CNBD1: variants seen among roughly 807,000 people sequenced by gnomAD.
The protein encoded by CNBD1 is cyclic nucleotide-binding domain-containing protein 1.
In CNBD1, 71 loss-of-function variants were observed where a neutral mutation model predicts 54.4. The observed-to-expected ratio is 1.30, with a 90% confidence interval of 1.08 to 1.59. The LOEUF (loss-of-function observed/expected upper bound fraction) is 1.59, where lower values mean the gene tolerates loss of function less well. CNBD1 is among the 40% of genes most tolerant of loss of function. CNBD1 has a pLI of 0.00. For missense variants in CNBD1, 659 were observed against 518.0 expected, an observed-to-expected ratio of 1.27 and a Z score of -2.64; for synonymous variants, 182 against 170.7, an observed-to-expected ratio of 1.07 and a Z score of -0.51.
At chr8:87,398,752 T>C (rs1811450673) in intron 2 of CNBD1, among the ~76,000 whole-genome samples, 9 of 152,004 alleles carry the variant, frequency 5.9e-5, no homozygotes, top group Admixed American at 5.9e-4. Context: ...GCTCAGTACA[T>C]TAGGAAGTAA....
At chr8:87,225,049 G>A (rs1311520758) in intron 5 of CNBD1, among the ~76,000 whole-genome samples, 21 of 151,750 alleles carry the variant, frequency 1.4e-4, no homozygotes, top group African/African-American at 5.1e-4. Context: ...CTGTTTGTCT[G>A]TTGTTGGTGT....
chr8:87,312,049 G>T (rs146324342), intron 8 of CNBD1, among the ~76,000 whole-genome samples: 1 of 151,888 alleles, frequency 6.6e-6, no homozygotes. Flanking sequence ...ACAGCATCAC[G>T]CGATATACCT....
At chr8:87,338,903 T>C (rs1322088863) in intron 8 of CNBD1, among the ~76,000 whole-genome samples, 1 of 152,140 alleles carries the variant, frequency 6.6e-6, no homozygotes, top group Non-Finnish European at 1.5e-5. Context: ...GGAAGTGCTC[T>C]TAATCCTATA....
chr8:87,408,522 T>C (rs767030503), intron 2 of CNBD1, among the ~76,000 whole-genome samples: 2 of 152,138 alleles, frequency 1.3e-5, no homozygotes, highest in Non-Finnish European at 2.9e-5. Flanking sequence ...TGAACTATTT[T>C]TAAGGACTTT....
intron 1 of CNBD1, among the ~76,000 whole-genome samples, chr8:86,885,875 T>C (rs1299882528): frequency 6.6e-6 from 1 of 152,242 alleles, no homozygotes; most frequent in Non-Finnish European, 1.5e-5. Context: ...TCTACTGCTA[T>C]AGCTTTTCTC....
chr8:87,028,044 C>A (rs1251616970), intron 4 of CNBD1, among the ~76,000 whole-genome samples: 1 of 152,176 alleles, frequency 6.6e-6, no homozygotes, highest in Non-Finnish European at 1.5e-5. Context: ...CACACACACA[C>A]ACACAACACA....
intron 6 of CNBD1, among the ~76,000 whole-genome samples, chr8:87,238,321 A>G (rs1056922318): frequency 6.6e-6 from 1 of 152,136 alleles, no homozygotes; most frequent in Non-Finnish European, 1.5e-5. Context: ...AACTCTACCC[A>G]CTACCAAGTA....
chr8:87,389,926 C>T (rs1270707377), intron 2 of CNBD1, among the ~76,000 whole-genome samples: 8 of 152,142 alleles, frequency 5.3e-5, no homozygotes, highest in Admixed American at 5.2e-4. Flanking sequence ...CAGAACAGAG[C>T]CCTCAGAAAT....
chr8:86,870,435 G>A (rs2131764437), intron 1 of CNBD1, among the ~76,000 whole-genome samples: 1 of 151,856 alleles, frequency 6.6e-6, no homozygotes, highest in South Asian at 2.1e-4. Flanking sequence ...CTGACCTCGT[G>A]ATCCACCCGC....
intron 4 of CNBD1, among the ~76,000 whole-genome samples, chr8:87,026,353 C>G (rs901978993): frequency 2.0e-5 from 3 of 151,362 alleles, no homozygotes; most frequent in African/African-American, 7.3e-5. Context: ...TCCCTTCTCC[C>G]TCCCTCCCTC....
chr8:87,140,474 C>G (rs557729936), intron 4 of CNBD1, among the ~76,000 whole-genome samples: 1 of 152,186 alleles, frequency 6.6e-6, no homozygotes, highest in African/African-American at 2.4e-5. Context: ...ATGATAAAAC[C>G]TTCAGCTTGC....
intron 10 of CNBD1, among the ~76,000 whole-genome samples, chr8:87,381,609 A>G (rs1373112441): frequency 4.6e-5 from 7 of 152,050 alleles, no homozygotes; most frequent in African/African-American, 1.7e-4. Flanking sequence ...AATAGCTAAT[A>G]TGTGGGAAAT....
intron 4 of CNBD1, among the ~76,000 whole-genome samples, chr8:86,973,828 G>T (rs1394023423): frequency 1.3e-5 from 2 of 152,128 alleles, no homozygotes; most frequent in Non-Finnish European, 2.9e-5. Flanking sequence ...GGGGATAAAA[G>T]AAAATTTAAT....
chr8:87,193,309 A>G (rs1813650534), intron 4 of CNBD1, among the ~76,000 whole-genome samples: 1 of 152,180 alleles, frequency 6.6e-6, no homozygotes, highest in Non-Finnish European at 1.5e-5. Flanking sequence ...TAACACTGGC[A>G]TTTTATGTAT....
At chr8:87,013,255 G>A (rs190564347) in intron 4 of CNBD1, among the ~76,000 whole-genome samples, 25 of 152,246 alleles carry the variant, frequency 1.6e-4, no homozygotes, top group Non-Finnish European at 3.2e-4. Context: ...GGAAGTTGTT[G>A]TTAAAGGATC....
At chr8:87,128,013 A>C (rs1359165749) in intron 4 of CNBD1, among the ~76,000 whole-genome samples, 1 of 152,176 alleles carries the variant, frequency 6.6e-6, no homozygotes, top group Non-Finnish European at 1.5e-5. Context: ...GAATGGCACG[A>C]TAAAGAGAAG....
chr8:86,890,551 A>G (rs1808753015), intron 2 of CNBD1, among the ~76,000 whole-genome samples: 2 of 152,134 alleles, frequency 1.3e-5, no homozygotes, highest in Non-Finnish European at 2.9e-5. Flanking sequence ...AAACATGGGA[A>G]TGCAGATATC....
intron 4 of CNBD1, among the ~76,000 whole-genome samples, chr8:86,981,308 A>G (rs1346208846): frequency 3.3e-5 from 5 of 152,176 alleles, no homozygotes; most frequent in East Asian, 1.9e-4. Context: ...GAAGTCCTCT[A>G]TGGCCTTCAT....
At chr8:86,965,660 G>C (rs778971605) in intron 4 of CNBD1, among the ~76,000 whole-genome samples, 2 of 152,100 alleles carry the variant, frequency 1.3e-5, no homozygotes, top group Non-Finnish European at 2.9e-5. Context: ...CGGGATCTTT[G>C]GGGGGTGGAT....
Sources: allele counts gnomAD v4.1 joint callset (sites outside exome capture counted in the v4.1 genomes callset), GRCh38; gene constraint gnomAD v4.1.1; transcripts MANE v1.5; gene names NCBI Gene and HGNC (gene_info 2026-07-23, HGNC 2026-07-21).